The following TTLL11 variants were observed in gnomAD, a reference collection of about 807,000 sequenced individuals.
TTLL11 encodes the protein tubulin polyglutamylase TTLL11.
Under a neutral mutation model 51.7 loss-of-function variants are expected in TTLL11, and 42 were observed. That is an observed-to-expected ratio of 0.81 (90% confidence interval 0.64 to 1.05). TTLL11 has a LOEUF of 1.05. Among genes scored for constraint, TTLL11 ranks in the 50% least tolerant of loss-of-function variants. The probability of loss-of-function intolerance (pLI) is 0.00; values close to 1 mark genes in which losing one functional copy is unlikely to be tolerated. For synonymous variants in TTLL11, 381 were observed against 383.5 expected, an observed-to-expected ratio of 0.99 and a Z score of 0.08; for missense variants, 799 against 940.4, an observed-to-expected ratio of 0.85 and a Z score of 1.97.
intron 4 of TTLL11, among the ~76,000 whole-genome samples, chr9:121,984,031 C>A (rs1337037880): frequency 6.6e-6 from 1 of 152,100 alleles, no homozygotes; most frequent in East Asian, 1.9e-4. Context: ...TGAGAGAGAG[C>A]ATGCCAGGTC....
intron 8 of TTLL11, among the ~76,000 whole-genome samples, chr9:121,837,712 C>T (rs1837220335): frequency 6.6e-6 from 1 of 152,162 alleles, no homozygotes; most frequent in Non-Finnish European, 1.5e-5. Context: ...CCAGACTGCC[C>T]TTCCCTCCTG....
At chr9:121,919,996 A>C (rs1341995212) in intron 6 of TTLL11, among the ~76,000 whole-genome samples, 1 of 152,180 alleles carries the variant, frequency 6.6e-6, no homozygotes, top group African/African-American at 2.4e-5. Context: ...AGTAAATTTA[A>C]AATCAATGTT....
At chr9:122,071,387 C>G (rs569710536) in intron 1 of TTLL11, among the ~76,000 whole-genome samples, 1 of 152,214 alleles carries the variant, frequency 6.6e-6, no homozygotes. Context: ...GTGAAGAAAG[C>G]TTTCAGCTGC....
At chr9:122,024,548 T>A (rs1297744566) in intron 3 of TTLL11, among the ~76,000 whole-genome samples, 1 of 152,180 alleles carries the variant, frequency 6.6e-6, no homozygotes. Context: ...TAAAGCTATA[T>A]CAAAACAGTG....
In TTLL11 at chr9:122,093,001, C is replaced by T. The variant is rs1846308719; in HGVS notation, c.148G>A (p.Glu50Lys). Residue 50 changes from glutamate (E) to lysine (K), a missense_variant, in exon 1 of 9, where the codon GAA becomes AAA. Around this residue, in one of 3 missense-constraint regions of TTLL11, gnomAD observed 166 missense variants for 161.6 expected, o/e 1.03. Coordinates refer to ENST00000321582, the MANE Select transcript of TTLL11 (RefSeq NM_001139442.2). ...QVRVDAGAAG[E>K]PECKAGEEQP... Reference sequence around the variant, plus strand: ...TCCTCCCCTGCCTTGCACTCCGGTTCCCCGGCCGCGCCCGCGTCCACGCGG... The same window carrying T: ...TCCTCCCCTGCCTTGCACTCCGGTTTCCCGGCCGCGCCCGCGTCCACGCGG... 2.6e-6 allele frequency: 4 copies of T among 1,545,126 alleles called. No homozygotes were observed. The highest frequency in any genetic ancestry group is 2.5e-5 in the East Asian group (1 of 40,024).
intron 3 of TTLL11, among the ~76,000 whole-genome samples, chr9:122,005,989 T>C (rs1011951449): frequency 6.6e-6 from 1 of 152,220 alleles, no homozygotes; most frequent in Non-Finnish European, 1.5e-5. Flanking sequence ...ATGTTACATA[T>C]AAAGTGTTTT....
chr9:121,896,168 G>C (rs1564293665), intron 6 of TTLL11, among the ~76,000 whole-genome samples: 1 of 152,098 alleles, frequency 6.6e-6, no homozygotes, highest in East Asian at 1.9e-4. Flanking sequence ...GAGTAAGCAG[G>C]AGCCGTTAAA....
At chr9:122,077,776 C>T (rs867296504) in intron 1 of TTLL11, among the ~76,000 whole-genome samples, 42 of 142,476 alleles carry the variant, frequency 2.9e-4, no homozygotes, top group African/African-American at 1.1e-3. Context: ...TGTTTTCAAG[C>T]ATACATGGAA....
At chr9:122,059,150 A>G (rs910922260) in intron 1 of TTLL11, among the ~76,000 whole-genome samples, 1 of 152,164 alleles carries the variant, frequency 6.6e-6, no homozygotes, top group Admixed American at 6.5e-5. Flanking sequence ...ATAATGATTA[A>G]AAGAAACATT....
Position 121,890,771 on chromosome 9 carries a change from AGGTGCATGAATGCATGAATG to A in TTLL11, c.1482-20043_1482-20024del, listed in dbSNP as rs533011684. 6.4e-4 allele frequency among the ~76,000 whole-genome samples: 98 copies of A among 152,320 alleles called. No homozygotes were observed. Among genetic ancestry groups the A allele is most frequent in the African/African-American group, 2.3e-3 (94 of 41,576 alleles). ...AGTAAGTGCTCAATAAACACTGGCT[AGGTGCATGAATGCATGAATG>A]GGTGCATGAATGCATGAATGACTGG... On this transcript the variant is annotated intron_variant, in intron 6 of 8. Transcript: ENST00000321582. This position sits in a 1 kb window ranked among gnomAD's most constrained non-coding sequence, Gnocchi z 4.3.
chr9:121,873,639 CCTCTCTTCTTCTTCTTCTTCT>C, intron 6 of TTLL11, among the ~76,000 whole-genome samples: 1 of 48,868 alleles, frequency 2.0e-5, no homozygotes, highest in Admixed American at 1.8e-4. Context: ...TCCTCCTCCT[CCTCTCTTCTTCTTCTTCTTCT>C]TCTTCTTCTT....
intron 1 of TTLL11, among the ~76,000 whole-genome samples, chr9:122,083,080 A>G (rs927006182): frequency 2.0e-5 from 3 of 152,162 alleles, no homozygotes; most frequent in African/African-American, 7.2e-5. Flanking sequence ...TATACAGTAT[A>G]TATTTGTATC....
chr9:122,085,092 G>T (rs1806695), intron 1 of TTLL11, among the ~76,000 whole-genome samples: 65,003 of 151,770 alleles, frequency 0.43, 15,855 homozygotes, highest in African/African-American at 0.67. Context: ...AAACCCCATA[G>T]CTACCAAAAA....
At chr9:122,067,648 G>A (rs1345425739) in intron 1 of TTLL11, among the ~76,000 whole-genome samples, 3 of 152,046 alleles carry the variant, frequency 2.0e-5, no homozygotes, top group Admixed American at 2.0e-4. Flanking sequence ...GACTACAGGC[G>A]CCCACTGCCA....
At chr9:121,943,011 C>A (rs1466348173) in intron 6 of TTLL11, among the ~76,000 whole-genome samples, 1 of 152,116 alleles carries the variant, frequency 6.6e-6, no homozygotes, top group African/African-American at 2.4e-5. Context: ...GCTGGCAGTC[C>A]TGAAGGTCAC....
intron 6 of TTLL11, among the ~76,000 whole-genome samples, chr9:121,888,554 C>T (rs1222015786): frequency 2.6e-5 from 4 of 152,190 alleles, no homozygotes; most frequent in Admixed American, 2.6e-4. Flanking sequence ...TGGGGCCAGG[C>T]CCGGAGCAGG....
At chr9:122,092,608 A>C in intron 1 of TTLL11, 79 bp downstream of exon 1, 1 of 1,524,090 alleles carries the variant, frequency 6.6e-7, no homozygotes, top group Non-Finnish European at 8.8e-7. Flanking sequence ...CGCCGACCTG[A>C]CCTGGGCCGT....
intron 4 of TTLL11, among the ~76,000 whole-genome samples, chr9:121,988,390 A>G (rs1430322442): frequency 6.7e-6 from 1 of 149,178 alleles, no homozygotes; most frequent in Non-Finnish European, 1.5e-5. Context: ...CTCTCGACAC[A>G]GCCCCTACCT....
At chr9:121,985,353 A>G (rs983659186) in intron 4 of TTLL11, among the ~76,000 whole-genome samples, 1 of 152,154 alleles carries the variant, frequency 6.6e-6, no homozygotes, top group Non-Finnish European at 1.5e-5. Context: ...GACTTATACA[A>G]GAATACACAG....
Sources: allele counts gnomAD v4.1 joint callset (sites outside exome capture counted in the v4.1 genomes callset), GRCh38; gene constraint gnomAD v4.1.1; regional missense constraint gnomAD v4.1.1; non-coding constraint Gnocchi (gnomAD v3.1); transcripts MANE v1.5; gene names NCBI Gene and HGNC (gene_info 2026-07-23, HGNC 2026-07-21).